The following MINDY4B variants were observed in gnomAD, a reference collection of about 807,000 sequenced individuals.
MINDY4B encodes MINDY family member 4B, also known as inactive ubiquitin carboxyl-terminal hydrolase MINDY-4B.
Under a neutral mutation model 16.7 loss-of-function variants are expected in MINDY4B, and 25 were observed. That is an observed-to-expected ratio of 1.49 (90% CI 1.09 to 2.09). The LOEUF is 2.09. Among genes scored for constraint, MINDY4B ranks in the 30% most tolerant of loss-of-function variants. MINDY4B has a pLI of 0.00. For synonymous variants in MINDY4B, 132 were observed against 61.9 expected, an observed-to-expected ratio of 2.13 and a Z score of -5.32; for missense variants, 327 against 168.4, an observed-to-expected ratio of 1.94 and a Z score of -5.21.
chr3:150,894,365 A>T (rs1177502815), intron 3 of MINDY4B, 60 bp from the exon 4 acceptor site: 2 of 631,546 alleles, frequency 3.2e-6, no homozygotes, highest in Non-Finnish European at 5.6e-6. Context: ...CATATTCCTC[A>T]TGGTGGCCTC....
At chr3:150,894,356 A>G (rs1342929081) in intron 3 of MINDY4B, 51 bp from the exon 4 acceptor site, 5 of 647,378 alleles carry the variant, frequency 7.7e-6, no homozygotes, top group South Asian at 5.3e-5. Context: ...CTTCCTAGAC[A>G]TATTCCTCAT....
chr3:150,892,486 T>C (rs1711843298), intron 5 of MINDY4B, among the ~76,000 whole-genome samples: 1 of 152,254 alleles, frequency 6.6e-6, no homozygotes, highest in Non-Finnish European at 1.5e-5. Context: ...GTAATAACTT[T>C]ACCTGCCTGA....
chr3:150,874,005 ATTTTTTTTT>A (rs558319330), intron 10 of MINDY4B, among the ~76,000 whole-genome samples: 5 of 81,988 alleles, frequency 6.1e-5, no homozygotes, highest in African/African-American at 9.4e-5. Context: ...TTTAGCCTTG[ATTTTTTTTT>A]TTTTTTTTTT....
At chr3:150,895,686 AACT>A (rs1162688097) in intron 3 of MINDY4B, among the ~76,000 whole-genome samples, 3 of 152,162 alleles carry the variant, frequency 2.0e-5, no homozygotes, top group Non-Finnish European at 4.4e-5. Flanking sequence ...CCTGTTCTTG[AACT>A]ACTGACCTCA....
intron 7 of MINDY4B, among the ~76,000 whole-genome samples, chr3:150,888,149 G>A (rs185644099): frequency 2.7e-3 from 414 of 152,122 alleles, no homozygotes; most frequent in African/African-American, 9.4e-3. Flanking sequence ...GAAGGCCCTC[G>A]GGGAGAATCC....
chr3:150,890,871 G>A, intron 6 of MINDY4B, 67 bp downstream of exon 6: 2 of 681,008 alleles, frequency 2.9e-6, no homozygotes, highest in Admixed American at 4.0e-5. Context: ...CATACACATG[G>A]TAAGTCTATT....
intron 3 of MINDY4B, among the ~76,000 whole-genome samples, chr3:150,898,807 C>T (rs181796334): frequency 2.7e-4 from 41 of 152,298 alleles, no homozygotes; most frequent in African/African-American, 9.6e-4. Context: ...TTTATACACA[C>T]ATTCAAAGAT....
chr3:150,886,887 A>G (rs1025425004), intron 7 of MINDY4B, among the ~76,000 whole-genome samples: 1 of 152,176 alleles, frequency 6.6e-6, no homozygotes, highest in Non-Finnish European at 1.5e-5. Flanking sequence ...AAATCCCTTC[A>G]ATCAGTTAGG....
chr3:150,878,194 G>A (rs904713559), intron 10 of MINDY4B, among the ~76,000 whole-genome samples: 2 of 152,138 alleles, frequency 1.3e-5, no homozygotes, highest in Non-Finnish European at 2.9e-5. Context: ...AAGGTTATTA[G>A]CACAATGAAT....
At position 150,904,537 on chromosome 3, in the gene MINDY4B, A is replaced by G. The variant is rs142034046; in HGVS notation, c.141+525T>C. Among the ~76,000 whole-genome samples, 294 of 152,362 alleles carry G rather than the reference A, an allele frequency of 1.9e-3. 6 individuals carry two copies. Among genetic ancestry groups the G allele is most frequent in the Middle Eastern group, 3.4e-3 (1 of 294 alleles). On this transcript the variant is annotated intron_variant, in intron 2 of 11. Coordinates refer to ENST00000465419, the MANE Select transcript of MINDY4B (RefSeq NM_001351281.2). ...CAGTGATTGAAGTAATACCTGAAAT[A>G]CAAAGTCCATTACCTTCTAACCTTT...
Position 150,878,118 on chromosome 3 carries a change from T to C in MINDY4B, c.1060-4751A>G, listed in dbSNP as rs1711499550. On this transcript the variant is annotated intron_variant, in intron 10 of 11. Transcript: ENST00000465419. The stretch of plus-strand genomic sequence containing the variant: ...TACTGATTACAACTTGGAGTGGACG[T>C]GGGGATTCAATAAATAAATGAAATG... Among the ~76,000 whole-genome samples, 3 of 151,984 alleles carry C rather than the reference T, an allele frequency of 2.0e-5. No homozygotes were observed. In the South Asian group the frequency reaches 6.2e-4, roughly 31 times the overall value.
chr3:150,878,473 A>C (rs1214368180), intron 10 of MINDY4B, among the ~76,000 whole-genome samples: 1 of 152,180 alleles, frequency 6.6e-6, no homozygotes, highest in Admixed American at 6.5e-5. Flanking sequence ...CAACATAATA[A>C]ACATCCTCAG....
intron 10 of MINDY4B, among the ~76,000 whole-genome samples, chr3:150,881,482 T>C (rs1711520948): frequency 6.7e-6 from 1 of 150,054 alleles, no homozygotes; most frequent in African/African-American, 2.5e-5. Context: ...GAATAAGACA[T>C]ATTGATATGG....
At chr3:150,895,484 G>A (rs1711936151) in intron 3 of MINDY4B, among the ~76,000 whole-genome samples, 1 of 151,732 alleles carries the variant, frequency 6.6e-6, no homozygotes, top group African/African-American at 2.4e-5. Context: ...GTTTTGTTTT[G>A]AGACAGAGTC....
In MINDY4B at chr3:150,894,300, C is replaced by A; in HGVS notation, c.315G>T (p.Leu105=). Residue 105 remains leucine, a synonymous_variant, in exon 4 of 12, where the codon CTG becomes CTT. Coordinates refer to ENST00000465419, the MANE Select transcript of MINDY4B (RefSeq NM_001351281.2). Reference sequence around the variant, plus strand: ...CTGTGTTTCCAAACAGGATCTGCCGCAGCTTCTGAAAAGAGGGGAAAGAAA... The same window carrying A: ...CTGTGTTTCCAAACAGGATCTGCCGAAGCTTCTGAAAAGAGGGGAAAGAAA... The part of the protein sequence containing the change: ...FPISLAMATK[L]RQILFGNTVH... 1.4e-6 allele frequency: 1 copy of A among 691,236 alleles called. No homozygotes were observed. The highest frequency in any genetic ancestry group is 2.6e-6 in the Non-Finnish European group (1 of 382,046). The allele number at this position is 691,236 out of a possible 1,614,324, so 42.8% of individuals were successfully genotyped here. A position where few individuals can be genotyped will look rare whatever the true frequency, so the allele number is the denominator to read the frequency against.
In MINDY4B at chr3:150,894,180, T is replaced by C. The variant is rs562346705; in HGVS notation, c.429+6A>G. On this transcript the variant is annotated splice_donor_region_variant and intron_variant, in intron 4 of 11. Transcript: ENST00000465419. ...GGTTTTTTAAAAATTATAAACTGGC[T>C]ATTACCTTTCCCACTTCCAGAGTGA... is the stretch of plus-strand genomic sequence containing the variant. 3 of 689,272 alleles carry C rather than the reference T, an allele frequency of 4.4e-6. No individual in the cohort carries two copies. The Admixed American group carries it at 6.6e-5, about 15-fold the overall frequency. 42.7% of individuals were successfully genotyped at this position (689,272 alleles called of 1,614,324 possible). A position where few individuals can be genotyped will look rare whatever the true frequency, so the allele number is the denominator to read the frequency against.
intron 5 of MINDY4B, among the ~76,000 whole-genome samples, chr3:150,892,438 A>T (rs1296203260): frequency 6.6e-6 from 1 of 152,196 alleles, no homozygotes; most frequent in South Asian, 2.1e-4. Flanking sequence ...GCAGTTCACA[A>T]TCTTAGAATA....
chr3:150,903,692 T>C (rs1193209440), intron 2 of MINDY4B, among the ~76,000 whole-genome samples: 1 of 152,236 alleles, frequency 6.6e-6, no homozygotes, highest in African/African-American at 2.4e-5. Context: ...CTTGAAATTA[T>C]GTTTAGAGAA....
intron 10 of MINDY4B, among the ~76,000 whole-genome samples, chr3:150,874,993 A>G (rs932147596): frequency 1.3e-5 from 2 of 152,232 alleles, no homozygotes; most frequent in African/African-American, 4.8e-5. Context: ...CAATCAGGAC[A>G]TGTTCATAAT....
Sources: gnomAD v4.1 joint callset for allele counts (sites outside exome capture counted in the v4.1 genomes callset) on GRCh38, gnomAD v4.1.1 for gene constraint, MANE v1.5 for transcripts, NCBI Gene and HGNC (gene_info 2026-07-23, HGNC 2026-07-21) for gene names.